Variants in NEK11 observed in about 807,000 individuals in gnomAD.
The protein encoded by NEK11 is NIMA related kinase 11.
A neutral mutation model predicts 80.7 loss-of-function variants in NEK11; 72 were observed. That is an observed-to-expected ratio of 0.89 (90% CI 0.74 to 1.08). The LOEUF is 1.08. Among genes scored for constraint, NEK11 ranks in the 50% least tolerant of loss-of-function variants. The probability of loss-of-function intolerance (pLI) is 0.00; values close to 1 mark genes in which losing one functional copy is unlikely to be tolerated. For synonymous variants in NEK11, 251 were observed against 260.7 expected, an observed-to-expected ratio of 0.96 and a Z score of 0.36; for missense variants, 764 against 763.6, an observed-to-expected ratio of 1.00 and a Z score of -0.01.
chr3:131,154,275 A>T (rs1420733541), intron 9 of NEK11, among the ~76,000 whole-genome samples: 1 of 151,628 alleles, frequency 6.6e-6, no homozygotes, highest in Non-Finnish European at 1.5e-5. Flanking sequence ...GGCTTTGAGC[A>T]TTCAAAAAAA....
chr3:131,278,491 A>G (rs917675103), intron 17 of NEK11, among the ~76,000 whole-genome samples: 5 of 152,180 alleles, frequency 3.3e-5, no homozygotes, highest in East Asian at 1.9e-4. Flanking sequence ...TTGTGGCTCC[A>G]TGGTCCTCCT....
intron 17 of NEK11, among the ~76,000 whole-genome samples, chr3:131,309,955 C>A (rs1427665261): frequency 8.0e-6 from 1 of 125,374 alleles, no homozygotes; most frequent in East Asian, 2.4e-4. Context: ...TGCCACTGCA[C>A]TCCAGCCTGG....
chr3:131,109,570 A>G, intron 4 of NEK11: 2 of 398,768 alleles, frequency 5.0e-6, no homozygotes, highest in Non-Finnish European at 8.8e-6. Flanking sequence ...TTTAGAAACT[A>G]TTAATAGATT....
chr3:131,153,151 A>G (rs1446715754), intron 9 of NEK11, among the ~76,000 whole-genome samples: 1 of 152,156 alleles, frequency 6.6e-6, no homozygotes, highest in African/African-American at 2.4e-5. Context: ...CTCTTTCCAA[A>G]ATAAGGTGTG....
intron 5 of NEK11, among the ~76,000 whole-genome samples, chr3:131,117,234 T>G (rs2081404313): frequency 6.6e-6 from 1 of 152,212 alleles, no homozygotes; most frequent in Admixed American, 6.5e-5. Flanking sequence ...AAAGAGGGAA[T>G]CCTTTCCCCA....
At chr3:131,049,479 T>C (rs2067985428) in intron 3 of NEK11, among the ~76,000 whole-genome samples, 1 of 152,228 alleles carries the variant, frequency 6.6e-6, no homozygotes, top group Non-Finnish European at 1.5e-5. Flanking sequence ...ATTTTGGGAC[T>C]CTTCTTGCTT....
intron 5 of NEK11, among the ~76,000 whole-genome samples, chr3:131,115,884 G>A (rs1049216260): frequency 1.0e-4 from 15 of 149,914 alleles, no homozygotes; most frequent in Non-Finnish European, 2.2e-4. Context: ...TGGCTAAAAT[G>A]TTCCCTGAAA....
intron 17 of NEK11, among the ~76,000 whole-genome samples, chr3:131,292,479 T>C (rs1301893259): frequency 6.6e-6 from 1 of 152,192 alleles, no homozygotes; most frequent in Non-Finnish European, 1.5e-5. Context: ...TTGGGATTGC[T>C]TTGCATCTAT....
chr3:131,232,332 A>G (rs1471401529), intron 15 of NEK11, among the ~76,000 whole-genome samples: 1 of 152,204 alleles, frequency 6.6e-6, no homozygotes, highest in African/African-American at 2.4e-5. Context: ...GAGTGTTTTC[A>G]CAGACTCTTC....
At chr3:131,294,232 C>T (rs943901180) in intron 17 of NEK11, among the ~76,000 whole-genome samples, 2 of 152,006 alleles carry the variant, frequency 1.3e-5, no homozygotes, top group Non-Finnish European at 1.5e-5. Context: ...GCATTGCTTT[C>T]ACTATATCCA....
chr3:131,305,978 A>G (rs2096719269), intron 17 of NEK11, among the ~76,000 whole-genome samples: 1 of 152,100 alleles, frequency 6.6e-6, no homozygotes, highest in Non-Finnish European at 1.5e-5. Flanking sequence ...CTAGGCAGCC[A>G]TTTTGGCTTG....
chr3:131,337,717 A>G (rs2097210838), intron 17 of NEK11, among the ~76,000 whole-genome samples: 1 of 152,170 alleles, frequency 6.6e-6, no homozygotes, highest in Non-Finnish European at 1.5e-5. Context: ...AAAGGAAGAC[A>G]GTGACTGGCC....
Position 131,080,568 on chromosome 3 carries a change from AT to A in NEK11, c.318del (p.Ile107SerfsTer29), listed in dbSNP as rs1370615822. On this transcript the variant is annotated frameshift_variant, in exon 4 of 18. Coordinates refer to ENST00000383366, the MANE Select transcript of NEK11 (RefSeq NM_024800.5). LOFTEE classifies it high-confidence loss of function. ...ASFVEQDNFCIITEYCEGRDL... is the reference protein window; with the variant it reads ...ASFVEQDNFCXITEYCEGRDL... ...TTTTGTGGAGCAAGATAATTTCTGCATTATCACGGAGTACTGTGAGGTGAGA... is the reference window on the plus strand; with the variant it reads ...TTTTGTGGAGCAAGATAATTTCTGCATATCACGGAGTACTGTGAGGTGAGA... The A allele has an allele frequency of 7.4e-6, 12 of 1,612,854 alleles. No individual in the cohort carries two copies. The highest frequency in any genetic ancestry group is 1.0e-5 in the Non-Finnish European group (12 of 1,179,744).
chr3:131,083,837 G>T (rs2075632410), intron 4 of NEK11, among the ~76,000 whole-genome samples: 1 of 152,134 alleles, frequency 6.6e-6, no homozygotes, highest in East Asian at 1.9e-4. Flanking sequence ...CTTTGATGGG[G>T]AATAGTTCCA....
intron 3 of NEK11, among the ~76,000 whole-genome samples, chr3:131,031,227 T>C (rs2064797057): frequency 6.6e-6 from 1 of 152,226 alleles, no homozygotes; most frequent in Admixed American, 6.5e-5. Flanking sequence ...AATTTATAGT[T>C]TTTAGTCAAT....
chr3:131,104,448 ACT>A (rs1359840326), intron 4 of NEK11, among the ~76,000 whole-genome samples: 1 of 151,332 alleles, frequency 6.6e-6, no homozygotes, highest in African/African-American at 2.4e-5. Context: ...TAGATTCTTT[ACT>A]CTCTCCCCAG....
At chr3:131,129,489 A>T (rs762022889) in intron 5 of NEK11, among the ~76,000 whole-genome samples, 2 of 152,212 alleles carry the variant, frequency 1.3e-5, no homozygotes, top group Non-Finnish European at 2.9e-5. Flanking sequence ...TCTTTCATGG[A>T]TTGTGACTTT....
intron 14 of NEK11, among the ~76,000 whole-genome samples, chr3:131,215,341 G>A (rs143192435): frequency 0.014 from 2,083 of 151,706 alleles, 50 homozygotes; most frequent in African/African-American, 0.044. Context: ...GTTAATGGGT[G>A]CAGCACACCA....
chr3:131,180,509 CAA>C (rs1378693876), intron 14 of NEK11, among the ~76,000 whole-genome samples: 4 of 151,994 alleles, frequency 2.6e-5, no homozygotes, highest in African/African-American at 9.7e-5. Flanking sequence ...ATGACAAAAA[CAA>C]TATTTTATTT....
Sources: allele counts gnomAD v4.1 joint callset (sites outside exome capture counted in the v4.1 genomes callset), GRCh38; gene constraint gnomAD v4.1.1; transcripts MANE v1.5; gene names NCBI Gene and HGNC (gene_info 2026-07-23, HGNC 2026-07-21).